The following KNTC1 variants were observed in gnomAD, a reference collection of about 807,000 sequenced individuals.
KNTC1 encodes the protein kinetochore associated 1.
Under a neutral mutation model 314.4 loss-of-function variants are expected in KNTC1, and 253 were observed. The ratio of observed to expected loss-of-function variants is 0.80; its 90% CI spans 0.73 to 0.89. The LOEUF is 0.89. Among genes scored for constraint, KNTC1 ranks in the 40% least tolerant of loss-of-function variants. The pLI is 0.00. For synonymous variants in KNTC1, 901 were observed against 901.4 expected, an observed-to-expected ratio of 1.00 and a Z score of 0.01; for missense variants, 2,475 against 2,572.9, an observed-to-expected ratio of 0.96 and a Z score of 0.82.
At chr12:122,580,907 A>T (rs1965379291) in intron 33 of KNTC1, among the ~76,000 whole-genome samples, 1 of 152,004 alleles carries the variant, frequency 6.6e-6, no homozygotes, top group Admixed American at 6.6e-5. Context: ...ACTCACCTGT[A>T]GTCCCAGCTA....
chr12:122,582,278 C>T (rs530836088), intron 33 of KNTC1, among the ~76,000 whole-genome samples: 6 of 152,116 alleles, frequency 3.9e-5, no homozygotes, highest in South Asian at 4.2e-4. Context: ...ATTAGCTGGG[C>T]GTGGTGATGC....
At chr12:122,620,645 A>G in intron 60 of KNTC1, 37 bp downstream of exon 60, 2 of 1,603,484 alleles carry the variant, frequency 1.2e-6, no homozygotes, top group African/African-American at 1.3e-5. Flanking sequence ...TGCCAAGGAA[A>G]TAGAAGGTTT....
In KNTC1 at chr12:122,576,622, A is replaced by G. The variant is rs369012685; in HGVS notation, c.2587-273A>G. ...CTTGAACCTGGGAGGCAGAGGTTGC[A>G]GTGAGCCGAGATTGCGCCACTGCAC... On this transcript the variant is annotated intron_variant, in intron 29 of 63. Transcript: ENST00000333479. Among the ~76,000 whole-genome samples the G allele has an allele frequency of 1.8e-4, 27 of 152,238 alleles. No homozygotes were observed. The East Asian group carries it at 1.9e-3, about 11-fold the overall frequency.
At chr12:122,602,243 C>A (rs1029022526) in intron 45 of KNTC1, among the ~76,000 whole-genome samples, 1 of 151,830 alleles carries the variant, frequency 6.6e-6, no homozygotes, top group African/African-American at 2.4e-5. Flanking sequence ...AGATCTGTAG[C>A]CTCTATATTT....
intron 4 of KNTC1, among the ~76,000 whole-genome samples, chr12:122,538,852 C>T (rs1278675061): frequency 2.6e-5 from 4 of 152,140 alleles, no homozygotes; most frequent in African/African-American, 7.2e-5. Flanking sequence ...GAATTTTGGT[C>T]GCATCCTTTT....
In KNTC1 at chr12:122,603,021, T is replaced by C; in HGVS notation, c.4885-6T>C. ...GCTTCAGCCATAACCTTCCTTTTCT[T>C]TGAAGTTCTCTCTGGACACTCTGTA... On this transcript the variant is annotated splice_polypyrimidine_tract_variant and splice_region_variant and intron_variant, in intron 47 of 63. Coordinates refer to ENST00000333479, the MANE Select transcript of KNTC1 (RefSeq NM_014708.6). 6.2e-7 allele frequency: 1 copy of C among 1,612,210 alleles called. No individual in the cohort carries two copies. The highest frequency in any genetic ancestry group is 2.2e-5 in the East Asian group (1 of 44,886).
intron 24 of KNTC1, among the ~76,000 whole-genome samples, chr12:122,572,660 G>A (rs574143939): frequency 6.6e-6 from 1 of 152,144 alleles, no homozygotes; most frequent in East Asian, 1.9e-4. Context: ...CTACCTAAAT[G>A]ATGCTGTGTA....
intron 29 of KNTC1, 79 bp from the exon 30 acceptor site, chr12:122,576,812 TGCCA>T: frequency 9.2e-7 from 1 of 1,088,786 alleles, no homozygotes. Context: ...TAAATTTTTT[TGCCA>T]CTTTGCTCTT....
chr12:122,542,391 C>A (rs950268896), intron 6 of KNTC1, among the ~76,000 whole-genome samples: 1 of 152,136 alleles, frequency 6.6e-6, no homozygotes, highest in Non-Finnish European at 1.5e-5. Context: ...GTTGGGGAGA[C>A]AAGACATATG....
At chr12:122,535,302 T>TC (rs898750264) in intron 3 of KNTC1, among the ~76,000 whole-genome samples, 5 of 152,108 alleles carry the variant, frequency 3.3e-5, no homozygotes, top group Admixed American at 6.5e-5. Flanking sequence ...GGCCACCAGA[T>TC]CACTTGCGGT....
At chr12:122,557,262 C>T (rs926530987) in intron 16 of KNTC1, 122 bp from the exon 17 acceptor site, 1 of 853,534 alleles carries the variant, frequency 1.2e-6, no homozygotes, top group East Asian at 2.5e-5. Flanking sequence ...AATCTCATTC[C>T]TGGAGCGCAT....
chr12:122,577,067 T>C (rs1238293176), intron 30 of KNTC1, 38 bp downstream of exon 30: 5 of 1,446,718 alleles, frequency 3.5e-6, no homozygotes, highest in Non-Finnish European at 3.6e-6. Flanking sequence ...TATGGCTTCT[T>C]TGTTTCTGTG....
rs1343513223 is a variant in KNTC1, at chr12:122,544,179, C to T, written c.579C>T (p.Ser193=). 4 of 1,555,084 alleles carry T rather than the reference C, an allele frequency of 2.6e-6. No individual in the cohort carries two copies. The highest frequency in any genetic ancestry group is 3.5e-6 in the Non-Finnish European group (4 of 1,149,230). ...TAKKLQGQIK[S]SFISTENYHT... ...TGCAGTTACAAGGACAAATCAAGTC[C>T]AGTTTTATTTCTACTGAAAATTATC... Residue 193 remains serine (S), a synonymous_variant, in exon 8 of 64, where the codon TCC becomes TCT. Coordinates refer to ENST00000333479, the MANE Select transcript of KNTC1 (RefSeq NM_014708.6).
Position 122,561,916 on chromosome 12 carries a change from C to A in KNTC1, c.1489-5C>A. ...CTAACTGTATTTCTTATTATTCTTA[C>A]TTAGCTTTTGAAGAAAGAAGATAAA... On this transcript the variant is annotated splice_region_variant and splice_polypyrimidine_tract_variant and intron_variant, in intron 18 of 63. Coordinates refer to ENST00000333479, the MANE Select transcript of KNTC1 (RefSeq NM_014708.6). 6.4e-7 allele frequency: 1 copy of A among 1,564,698 alleles called. No homozygotes were observed. Among genetic ancestry groups the A allele is most frequent in the Non-Finnish European group, 8.8e-7 (1 of 1,139,706 alleles).
chr12:122,531,000 G>A (rs1193490399), intron 2 of KNTC1, among the ~76,000 whole-genome samples: 2 of 151,696 alleles, frequency 1.3e-5, no homozygotes, highest in Admixed American at 6.6e-5. Context: ...GCTGGGTGTG[G>A]TGGCATGCAC....
At position 122,603,090 on chromosome 12, in the gene KNTC1, A is replaced by C; in HGVS notation, c.4948A>C (p.Lys1650Gln). The change falls in exon 48 of 64, where the codon AAG becomes CAG. Residue 1650 changes from lysine to glutamine, a missense_variant. Coordinates refer to ENST00000333479, the MANE Select transcript of KNTC1 (RefSeq NM_014708.6). ...KHVFEKKLKP[K>Q]LLKLTQAKSS... Reference sequence around the variant, plus strand: ...CGTTTTCGAAAAAAAACTGAAGCCAAAGCTCCTGAAGTTAACACAAGCTAA... The same window carrying C: ...CGTTTTCGAAAAAAAACTGAAGCCACAGCTCCTGAAGTTAACACAAGCTAA... 6.2e-7 allele frequency: 1 copy of C among 1,613,906 alleles called. No individual in the cohort carries two copies. Among genetic ancestry groups the C allele is most frequent in the East Asian group, 2.2e-5 (1 of 44,880 alleles).
At chr12:122,596,942 A>C (rs910554954) in intron 43 of KNTC1, among the ~76,000 whole-genome samples, 1 of 151,806 alleles carries the variant, frequency 6.6e-6, no homozygotes, top group Non-Finnish European at 1.5e-5. Flanking sequence ...CTTTTCTTTT[A>C]CTAATTTTGT....
At chr12:122,605,831 A>G (rs1348543762) in intron 51 of KNTC1, among the ~76,000 whole-genome samples, 1 of 152,124 alleles carries the variant, frequency 6.6e-6, no homozygotes, top group Non-Finnish European at 1.5e-5. Flanking sequence ...GGCGTGAGCC[A>G]CTGCACCTGG....
chr12:122,546,574 T>C, intron 9 of KNTC1, 48 bp from the exon 10 acceptor site: 1 of 1,191,450 alleles, frequency 8.4e-7, no homozygotes, highest in South Asian at 1.4e-5. Context: ...TTTAGATATA[T>C]GAAATATTGA....
Sources: allele counts gnomAD v4.1 joint callset (sites outside exome capture counted in the v4.1 genomes callset), GRCh38; gene constraint gnomAD v4.1.1; transcripts MANE v1.5; gene names NCBI Gene and HGNC (gene_info 2026-07-23, HGNC 2026-07-21).